Variants in UNC5B observed in about 807,000 individuals in gnomAD.
The protein encoded by UNC5B is unc-5 netrin receptor B, also known as netrin receptor UNC5B.
A neutral mutation model predicts 103.7 loss-of-function variants in UNC5B; 56 were observed. The observed-to-expected ratio is 0.54, with a 90% CI of 0.44 to 0.67. The LOEUF (loss-of-function observed/expected upper bound fraction) is 0.67. UNC5B is among the 30% of genes least tolerant of loss of function. The pLI is 0.00. For synonymous variants in UNC5B, 577 were observed against 542.0 expected (o/e 1.06, Z -0.90); for missense variants, 1,194 against 1,284.5 (o/e 0.93, Z 1.08).
intron 1 of UNC5B, among the ~76,000 whole-genome samples, chr10:71,231,208 C>T (rs1016562018): frequency 2.0e-4 from 30 of 152,214 alleles, no homozygotes; most frequent in African/African-American, 5.8e-4. Flanking sequence ...TTGTGACACC[C>T]ACTGGCCTCT....
chr10:71,290,321 G>A (rs75066797), intron 8 of UNC5B, among the ~76,000 whole-genome samples: 5,071 of 152,192 alleles, frequency 0.033, 124 homozygotes, highest in South Asian at 0.066. Flanking sequence ...GTGTAGCCGT[G>A]GGTTGCCTCC....
chr10:71,290,286 G>A (rs914064610), intron 8 of UNC5B, among the ~76,000 whole-genome samples: 1 of 152,058 alleles, frequency 6.6e-6, no homozygotes, highest in Non-Finnish European at 1.5e-5. Context: ...CTTCCCGCCT[G>A]GCCATGTTTG....
Position 71,296,585 on chromosome 10 carries a change from C to G in UNC5B, c.2333C>G (p.Pro778Arg), listed in dbSNP as rs1215120790. The G allele has an allele frequency of 1.2e-6, 2 of 1,613,792 alleles. No homozygotes were observed. The highest frequency in any genetic ancestry group is 1.7e-5 in the Admixed American group (1 of 60,028). Residue 778 changes from proline to arginine, a missense_variant, in exon 15 of 17, where the codon CCC becomes CGC. Pro to Arg is a moderately radical substitution (Grantham distance 103). Coordinates refer to ENST00000335350, the MANE Select transcript of UNC5B (RefSeq NM_170744.5). Reference sequence around the variant, plus strand: ...GACCCCCTCCTCCTGCAGGAGATCCCCTTCTATCACATTTGGAGTGGCAGC... The same window carrying G: ...GACCCCCTCCTCCTGCAGGAGATCCGCTTCTATCACATTTGGAGTGGCAGC... The part of the protein sequence containing the change: ...SKLLAKYQEI[P>R]FYHIWSGSQK...
Position 71,293,645 on chromosome 10 carries a change from T to G in UNC5B, c.1942-55T>G. The G allele has an allele frequency of 5.0e-6, 8 of 1,607,392 alleles. No individual in the cohort carries two copies. The South Asian group carries it at 8.9e-5, about 18-fold the overall frequency. Reference sequence around the variant, plus strand: ...GGGAGGCAAAAGAAAGCCCTTTTCCTCTGGCCCAGCCTGAATAACTGTGAC... The same window carrying G: ...GGGAGGCAAAAGAAAGCCCTTTTCCGCTGGCCCAGCCTGAATAACTGTGAC... On this transcript the variant is annotated intron_variant, in intron 12 of 16. Transcript: ENST00000335350.
chr10:71,285,578 A>G, intron 4 of UNC5B, 149 bp downstream of exon 4: 1 of 746,428 alleles, frequency 1.3e-6, no homozygotes, highest in Middle Eastern at 3.9e-4. Context: ...CACAGAGAAG[A>G]GAACTGTTAC....
chr10:71,237,479 G>A (rs1405393049), intron 1 of UNC5B, among the ~76,000 whole-genome samples: 1 of 152,228 alleles, frequency 6.6e-6, no homozygotes, highest in Non-Finnish European at 1.5e-5. Flanking sequence ...GCCTCTTACT[G>A]ACCATGTGCC....
chr10:71,282,644 G>A (rs1844960139), intron 2 of UNC5B, among the ~76,000 whole-genome samples: 1 of 152,108 alleles, frequency 6.6e-6, no homozygotes, highest in Non-Finnish European at 1.5e-5. Context: ...TGGCAGGCAG[G>A]CACTGTCACC....
intron 1 of UNC5B, among the ~76,000 whole-genome samples, chr10:71,238,296 A>G (rs1335071433): frequency 6.6e-6 from 1 of 151,856 alleles, no homozygotes. Flanking sequence ...AATCCCCACA[A>G]CGCCCACCCT....
intron 1 of UNC5B, among the ~76,000 whole-genome samples, chr10:71,226,988 T>C: frequency 6.6e-6 from 1 of 151,716 alleles, no homozygotes; most frequent in South Asian, 2.1e-4. Context: ...TTCTTCTTTT[T>C]TTTTTTTTTT....
intron 1 of UNC5B, among the ~76,000 whole-genome samples, chr10:71,249,670 C>T (rs1159898019): frequency 6.6e-6 from 1 of 152,208 alleles, no homozygotes; most frequent in African/African-American, 2.4e-5. Flanking sequence ...ATCTCTCTCC[C>T]ACAGCCACAA....
intron 8 of UNC5B, among the ~76,000 whole-genome samples, chr10:71,289,755 C>T (rs1221898311): frequency 1.0e-5 from 1 of 96,850 alleles, no homozygotes; most frequent in East Asian, 2.8e-4. Context: ...CTCTGCTGAA[C>T]CAGGAGCCCA....
At chr10:71,235,257 C>G (rs1782743796) in intron 1 of UNC5B, among the ~76,000 whole-genome samples, 1 of 152,188 alleles carries the variant, frequency 6.6e-6, no homozygotes, top group African/African-American at 2.4e-5. Context: ...GGGCCCAGAC[C>G]ACAGAGAAAG....
chr10:71,236,539 C>T (rs1471489149), intron 1 of UNC5B, among the ~76,000 whole-genome samples: 2 of 152,194 alleles, frequency 1.3e-5, no homozygotes, highest in Non-Finnish European at 2.9e-5. Flanking sequence ...AAGCTGTCAG[C>T]AGAGGCCCAT....
At chr10:71,236,976 C>T (rs927156436) in intron 1 of UNC5B, among the ~76,000 whole-genome samples, 1 of 152,198 alleles carries the variant, frequency 6.6e-6, no homozygotes, top group Non-Finnish European at 1.5e-5. Context: ...GGAGTGAGCT[C>T]CACGGCTGGG....
Position 71,288,667 on chromosome 10 carries a change from G to T in UNC5B, c.1001G>T (p.Gly334Val). Residue 334 changes from glycine (G) to valine (V), a missense_variant, in exon 7 of 17, where the codon GGA becomes GTA. Physicochemically the swap from Gly to Val is moderately radical, Grantham distance 109. Transcript: ENST00000335350. Reference protein sequence around the residue: ...RECMAPPPQNGGRDCSGTLLD... With the variant: ...RECMAPPPQNVGRDCSGTLLD... ...TGCATGGCGCCCCCACCCCAGAACG[G>T]AGGCCGTGACTGCAGCGGGACGCTG... 6.2e-7 allele frequency: 1 copy of T among 1,613,816 alleles called. No individual in the cohort carries two copies. The highest frequency in any genetic ancestry group is 2.2e-5 in the East Asian group (1 of 44,878).
chr10:71,213,537 G>A lies in UNC5B; in HGVS notation c.79+473G>A, dbSNP rs1011745492. Among the ~76,000 whole-genome samples the A allele has an allele frequency of 1.3e-5, 2 of 152,142 alleles. No individual in the cohort carries two copies. Among genetic ancestry groups the A allele is most frequent in the South Asian group, 2.1e-4 (1 of 4,826 alleles). ...GACAGCAATCTGCAGACTAGAGGGA[G>A]AGAGCGAAAAGACCTGCTGAACACA... On this transcript the variant is annotated intron_variant, in intron 1 of 16. Coordinates refer to ENST00000335350, the MANE Select transcript of UNC5B (RefSeq NM_170744.5). This position sits in a 1 kb window ranked among gnomAD's most constrained non-coding sequence, Gnocchi z 4.1.
intron 1 of UNC5B, among the ~76,000 whole-genome samples, chr10:71,214,886 T>C (rs1843300142): frequency 6.6e-6 from 1 of 152,140 alleles, no homozygotes; most frequent in Non-Finnish European, 1.5e-5. Context: ...TGGTGCCCAG[T>C]CAGAAATGGC....
rs764450530 is a variant in UNC5B at position 71,295,833 on chromosome 10, C to T, written c.2198C>T (p.Thr733Ile). ...CAGGAGGTGCTGGAGCTGGAGCGGA[C>T]TCTGGGCGGATACTTGGTGGAGGAG... Reference protein sequence around the residue: ...ALKEVLELERTLGGYLVEEPK... With the variant: ...ALKEVLELERILGGYLVEEPK... Residue 733 changes from threonine to isoleucine, a missense_variant, in exon 14 of 17, where the codon ACT (threonine) becomes ATT (isoleucine). Physicochemically the swap from Thr to Ile is moderately conservative, Grantham distance 89. Transcript: ENST00000335350. 6.2e-7 allele frequency: 1 copy of T among 1,612,686 alleles called. No homozygotes were observed. Among genetic ancestry groups the T allele is most frequent in the East Asian group, 2.2e-5 (1 of 44,876 alleles).
chr10:71,223,168 G>A (rs1263689306), intron 1 of UNC5B, among the ~76,000 whole-genome samples: 1 of 152,182 alleles, frequency 6.6e-6, no homozygotes, highest in Non-Finnish European at 1.5e-5. Flanking sequence ...ACGACTAGGT[G>A]ATGGCAGAGC....
Sources: allele counts gnomAD v4.1 joint callset (sites outside exome capture counted in the v4.1 genomes callset), GRCh38; gene constraint gnomAD v4.1.1; non-coding constraint Gnocchi (gnomAD v3.1); transcripts MANE v1.5; gene names NCBI Gene and HGNC (gene_info 2026-07-23, HGNC 2026-07-21).